Variants in CNTN3 observed in about 807,000 individuals in gnomAD.
CNTN3 encodes the protein contactin-3.
Under a neutral mutation model 119.1 loss-of-function variants are expected in CNTN3, and 60 were observed. That is an observed-to-expected ratio of 0.50 (90% CI 0.41 to 0.62). The LOEUF (loss-of-function observed/expected upper bound fraction) is 0.62. Among genes scored for constraint, CNTN3 ranks in the 20% least tolerant of loss-of-function variants. The probability of loss-of-function intolerance (pLI) is 0.00; values close to 1 mark genes in which losing one functional copy is unlikely to be tolerated. For synonymous variants in CNTN3, 450 were observed against 438.7 expected (o/e 1.03, Z -0.32); for missense variants, 1,101 against 1,242.4 (o/e 0.89, Z 1.71).
At chr3:74,482,289 CCCAGGA>C (rs1702776678) in intron 4 of CNTN3, among the ~76,000 whole-genome samples, 3 of 151,718 alleles carry the variant, frequency 2.0e-5, no homozygotes, top group African/African-American at 7.3e-5. Context: ...TTGAAACTAA[CCCAGGA>C]ATAGAAGGTC....
At chr3:74,556,842 G>C (rs1028934682) in intron 1 of CNTN3, among the ~76,000 whole-genome samples, 1 of 152,130 alleles carries the variant, frequency 6.6e-6, no homozygotes, top group African/African-American at 2.4e-5. Context: ...CTTAATGGGT[G>C]TGAAATATAT....
At chr3:74,546,258 G>A (rs1016947213) in intron 1 of CNTN3, among the ~76,000 whole-genome samples, 1 of 152,132 alleles carries the variant, frequency 6.6e-6, no homozygotes, top group African/African-American at 2.4e-5. Context: ...GCCTCCCAAA[G>A]TGCTGGGATT....
chr3:74,322,396 A>G (rs918756866), intron 13 of CNTN3, among the ~76,000 whole-genome samples: 5 of 152,210 alleles, frequency 3.3e-5, no homozygotes, highest in African/African-American at 9.7e-5. Flanking sequence ...GAATACAAAA[A>G]TATGTTCAAC....
intron 3 of CNTN3, among the ~76,000 whole-genome samples, chr3:74,487,479 T>A (rs1702879628): frequency 6.6e-6 from 1 of 152,176 alleles, no homozygotes. Flanking sequence ...TGTAGCATAT[T>A]ATAACAATGG....
chr3:74,309,005 G>A (rs567193908), intron 13 of CNTN3, among the ~76,000 whole-genome samples: 2 of 152,058 alleles, frequency 1.3e-5, no homozygotes, highest in Non-Finnish European at 2.9e-5. Flanking sequence ...TCCCTGAGCC[G>A]GAGACGTTTG....
At chr3:74,575,152 T>C (rs535869478) in intron 1 of CNTN3, among the ~76,000 whole-genome samples, 1 of 152,204 alleles carries the variant, frequency 6.6e-6, no homozygotes, top group African/African-American at 2.4e-5. Context: ...CTTGAACTCC[T>C]GGGCTCAAGC....
chr3:74,275,346 A>T (rs1701859292), intron 20 of CNTN3, among the ~76,000 whole-genome samples: 1 of 152,194 alleles, frequency 6.6e-6, no homozygotes, highest in South Asian at 2.1e-4. Context: ...GCACTTTGTC[A>T]TCAGGCTATC....
At chr3:74,350,640 A>G (rs898255133) in intron 11 of CNTN3, among the ~76,000 whole-genome samples, 10 of 152,182 alleles carry the variant, frequency 6.6e-5, no homozygotes, top group African/African-American at 2.4e-4. Flanking sequence ...TCACAGCACT[A>G]TTCCCAAGAG....
intron 1 of CNTN3, among the ~76,000 whole-genome samples, chr3:74,533,077 T>A (rs1703715691): frequency 6.6e-6 from 1 of 152,000 alleles, no homozygotes; most frequent in South Asian, 2.1e-4. Context: ...TCTTGGAGGC[T>A]CCTTATCAGT....
At chr3:74,311,592 A>T (rs1002619920) in intron 13 of CNTN3, among the ~76,000 whole-genome samples, 2 of 152,208 alleles carry the variant, frequency 1.3e-5, no homozygotes, top group African/African-American at 4.8e-5. Flanking sequence ...CTTGCAAAGT[A>T]GAATGATTTT....
At chr3:74,576,628 T>C (rs781644735) in intron 1 of CNTN3, among the ~76,000 whole-genome samples, 5 of 152,164 alleles carry the variant, frequency 3.3e-5, no homozygotes, top group Non-Finnish European at 7.4e-5. Flanking sequence ...CTATTAAAAG[T>C]ACCCTTAAAT....
chr3:74,330,827 G>C (rs1228129726), intron 13 of CNTN3, among the ~76,000 whole-genome samples: 1 of 150,012 alleles, frequency 6.7e-6, no homozygotes, highest in African/African-American at 2.5e-5. Context: ...ATTCATTTTT[G>C]ACAAAAATGT....
At chr3:74,366,776 G>GTATATATATATATATATATA (rs1416469987) in intron 8 of CNTN3, among the ~76,000 whole-genome samples, 12 of 35,614 alleles carry the variant, frequency 3.4e-4, no homozygotes, top group African/African-American at 1.8e-3. Context: ...GTGTGTGTGT[G>GTATATATATATATATATATA]TGTGTATATA....
At chr3:74,555,978 G>C (rs1324219353) in intron 1 of CNTN3, among the ~76,000 whole-genome samples, 1 of 152,050 alleles carries the variant, frequency 6.6e-6, no homozygotes, top group African/African-American at 2.4e-5. Flanking sequence ...TGGGTCTTTT[G>C]CCCATTTTGT....
intron 1 of CNTN3, among the ~76,000 whole-genome samples, chr3:74,559,234 G>A (rs1175598344): frequency 1.3e-5 from 2 of 152,068 alleles, no homozygotes; most frequent in Non-Finnish European, 2.9e-5. Flanking sequence ...AAATGAGGAA[G>A]GCAGATGAAA....
At chr3:74,380,207 T>G (rs1335361582) in intron 5 of CNTN3, among the ~76,000 whole-genome samples, 1 of 152,228 alleles carries the variant, frequency 6.6e-6, no homozygotes, top group African/African-American at 2.4e-5. Context: ...ATCTTAAGAT[T>G]AGCTCCAAAC....
chr3:74,355,410 G>C (rs911415695), intron 11 of CNTN3, among the ~76,000 whole-genome samples: 1 of 151,950 alleles, frequency 6.6e-6, no homozygotes, highest in African/African-American at 2.4e-5. Flanking sequence ...CTTGCTTTCA[G>C]TCCTGGTACC....
intron 2 of CNTN3, among the ~76,000 whole-genome samples, chr3:74,509,313 CTTTTTTTT>C (rs11318453): frequency 8.5e-6 from 1 of 117,148 alleles, no homozygotes; most frequent in Admixed American, 8.6e-5. Flanking sequence ...CCTTTCCTTT[CTTTTTTTT>C]TTTTTTTTTT....
intron 5 of CNTN3, among the ~76,000 whole-genome samples, chr3:74,401,507 C>G (rs1325970988): frequency 6.7e-6 from 1 of 150,310 alleles, no homozygotes; most frequent in Non-Finnish European, 1.5e-5. Flanking sequence ...ACACCACACA[C>G]GCGCGCACGC....
Sources: gnomAD v4.1 joint callset for allele counts (sites outside exome capture counted in the v4.1 genomes callset) on GRCh38, gnomAD v4.1.1 for gene constraint, MANE v1.5 for transcripts, NCBI Gene and HGNC (gene_info 2026-07-23, HGNC 2026-07-21) for gene names.